Variants in GLP1R observed in about 807,000 individuals in gnomAD.
GLP1R encodes the protein glucagon like peptide 1 receptor, also known as glucagon-like peptide 1 receptor.
In GLP1R, 32 loss-of-function variants were observed where a neutral mutation model predicts 68.4. The observed-to-expected ratio is 0.47, with a 90% CI of 0.35 to 0.63. The LOEUF is 0.63. GLP1R is among the 20% of genes least tolerant of loss of function. The pLI, the probability that GLP1R is intolerant of heterozygous loss-of-function variation, is 0.00. For missense variants in GLP1R, 502 were observed against 594.9 expected, an observed-to-expected ratio of 0.84 and a Z score of 1.62; for synonymous variants, 263 against 244.4, an observed-to-expected ratio of 1.08 and a Z score of -0.71.
chr6:39,069,637 C>CAAA (rs1160778497), intron 5 of GLP1R, among the ~76,000 whole-genome samples: 63 of 98,842 alleles, frequency 6.4e-4, no homozygotes, highest in Non-Finnish European at 1.2e-3. Flanking sequence ...GACTCTGTCT[C>CAAA]AAAAAAAAAA....
At chr6:39,076,049 A>G (rs1768816673) in intron 7 of GLP1R, among the ~76,000 whole-genome samples, 1 of 152,024 alleles carries the variant, frequency 6.6e-6, no homozygotes, top group East Asian at 2.0e-4. Flanking sequence ...GTGTTTTTTG[A>G]AAAGGCCTTG....
intron 5 of GLP1R, among the ~76,000 whole-genome samples, chr6:39,072,285 C>T (rs1768690389): frequency 6.6e-6 from 1 of 152,186 alleles, no homozygotes; most frequent in Non-Finnish European, 1.5e-5. Context: ...AACAGACATC[C>T]TTATTTTGTT....
chr6:39,070,374 C>A (rs1562011695), intron 5 of GLP1R, among the ~76,000 whole-genome samples: 1 of 151,916 alleles, frequency 6.6e-6, no homozygotes, highest in Non-Finnish European at 1.5e-5. Context: ...ATCTGTCAAC[C>A]TTTTAATGGA....
chr6:39,077,604 C>T (rs1421659503), intron 7 of GLP1R, among the ~76,000 whole-genome samples: 1 of 152,222 alleles, frequency 6.6e-6, no homozygotes, highest in Non-Finnish European at 1.5e-5. Context: ...GTTCCTGGGT[C>T]ACATGAAACA....
At chr6:39,078,763 T>C (rs1768905422) in intron 8 of GLP1R, among the ~76,000 whole-genome samples, 194 bp from the exon 9 acceptor site, 1 of 152,190 alleles carries the variant, frequency 6.6e-6, no homozygotes, top group Non-Finnish European at 1.5e-5. Flanking sequence ...GTATTTGGAC[T>C]ATGCGTGTGT....
chr6:39,078,817 C>G lies in GLP1R; in HGVS notation c.885-140C>G, dbSNP rs542694618. 4 of 733,528 alleles carry G rather than the reference C, an allele frequency of 5.5e-6. No homozygotes were observed. The Admixed American group carries it at 7.7e-5, about 14-fold the overall frequency. The allele number at this position is 733,528 out of a possible 1,614,324, so 45.4% of individuals were successfully genotyped here. On this transcript the variant is annotated intron_variant, in intron 8 of 12. Transcript: ENST00000373256. ...GGCAGGGCTCTGTGGGTCCATGGGA[C>G]TGGTTTTTGGGTGGCTCCTGGGAGC...
chr6:39,077,964 C>T (rs2150835281), intron 7 of GLP1R, among the ~76,000 whole-genome samples: 1 of 152,290 alleles, frequency 6.6e-6, no homozygotes, highest in Middle Eastern at 3.4e-3. Flanking sequence ...CTCCTTGCCT[C>T]ATCCGTCATG....
chr6:39,081,874 A>G (rs1769019843), intron 12 of GLP1R, among the ~76,000 whole-genome samples: 1 of 152,202 alleles, frequency 6.6e-6, no homozygotes, highest in Non-Finnish European at 1.5e-5. Flanking sequence ...TAATCCTGTG[A>G]GGATTAAGAA....
intron 12 of GLP1R, among the ~76,000 whole-genome samples, chr6:39,084,902 G>T (rs1026111980): frequency 6.6e-6 from 1 of 152,188 alleles, no homozygotes; most frequent in African/African-American, 2.4e-5. Context: ...ATCCACAGCC[G>T]CTGGCATCTG....
At chr6:39,075,990 A>G (rs1768812407) in intron 7 of GLP1R, among the ~76,000 whole-genome samples, 1 of 152,230 alleles carries the variant, frequency 6.6e-6, no homozygotes, top group Non-Finnish European at 1.5e-5. Flanking sequence ...AGAAAGATGA[A>G]GCCAGCAGGG....
chr6:39,078,806 G>T (rs1443058738), intron 8 of GLP1R, 151 bp from the exon 9 acceptor site: 3 of 706,528 alleles, frequency 4.2e-6, no homozygotes, highest in East Asian at 4.9e-5. Context: ...GGGCTCTGTG[G>T]GTCCATGGGA....
chr6:39,077,351 A>G (rs571749153), intron 7 of GLP1R, among the ~76,000 whole-genome samples: 3 of 152,134 alleles, frequency 2.0e-5, no homozygotes, highest in Non-Finnish European at 2.9e-5. Context: ...TTAACTGGGG[A>G]TGGAGAATCT....
chr6:39,076,415 G>T (rs1400086979), intron 7 of GLP1R, among the ~76,000 whole-genome samples: 1 of 152,168 alleles, frequency 6.6e-6, no homozygotes, highest in East Asian at 1.9e-4. Context: ...TCCGATTTGT[G>T]TAGAAATCAA....
At chr6:39,062,854 C>T (rs1768384892) in intron 3 of GLP1R, among the ~76,000 whole-genome samples, 1 of 152,196 alleles carries the variant, frequency 6.6e-6, no homozygotes, top group Non-Finnish European at 1.5e-5. Context: ...ACTAACTGTT[C>T]CTACCTTGAA....
At position 39,090,285 on chromosome 6, in the gene GLP1R, G is replaced by A. The variant is rs1769249962; in HGVS notation, c.*4212G>A. 6.6e-6 allele frequency among the ~76,000 whole-genome samples: 1 copy of A among 152,198 alleles called. No individual in the cohort carries two copies. The highest frequency in any genetic ancestry group is 1.5e-5 in the Non-Finnish European group (1 of 68,036). ...ATACAGACTGGCAGGAAGCAGATAA[G>A]CATAATTGTTTTCCAATAACTCCCC... On this transcript the variant is annotated 3_prime_UTR_variant, in exon 13 of 13. Coordinates refer to ENST00000373256, the MANE Select transcript of GLP1R (RefSeq NM_002062.5).
Position 39,049,700 on chromosome 6 carries a change from C to T in GLP1R, c.78+782C>T, listed in dbSNP as rs1317057777. ...TGGGACACGCAAGAACACCTGGGCTCCTTGGTGCCACCAGAGAGCAGGCCA... is the reference window on the plus strand; with the variant it reads ...TGGGACACGCAAGAACACCTGGGCTTCTTGGTGCCACCAGAGAGCAGGCCA... On this transcript the variant is annotated intron_variant, in intron 1 of 12. Coordinates refer to ENST00000373256, the MANE Select transcript of GLP1R (RefSeq NM_002062.5). The surrounding 1 kb of genome is among the most constrained non-coding windows in gnomAD (Gnocchi z 4.5). Among the ~76,000 whole-genome samples, 1 of 152,168 alleles carries T rather than the reference C, an allele frequency of 6.6e-6. No individual in the cohort carries two copies. The highest frequency in any genetic ancestry group is 2.4e-5 in the African/African-American group (1 of 41,438).
chr6:39,061,527 G>T (rs1400311647), intron 3 of GLP1R, among the ~76,000 whole-genome samples: 4 of 152,136 alleles, frequency 2.6e-5, no homozygotes, highest in Non-Finnish European at 5.9e-5. Flanking sequence ...GAGCCTGGGG[G>T]TTTTTACGAC....
At chr6:39,066,372 C>T (rs940523806) in intron 5 of GLP1R, 69 bp downstream of exon 5, 6 of 810,940 alleles carry the variant, frequency 7.4e-6, no homozygotes, top group Non-Finnish European at 1.3e-5. Flanking sequence ...AATGAAGCAG[C>T]CCAACACCAA....
At chr6:39,069,559 G>C (rs532693872) in intron 5 of GLP1R, among the ~76,000 whole-genome samples, 72 of 115,948 alleles carry the variant, frequency 6.2e-4, no homozygotes, top group Non-Finnish European at 1.2e-3. Flanking sequence ...CGTGAACCTG[G>C]GAGGCGGAGT....
Sources: allele counts gnomAD v4.1 joint callset (sites outside exome capture counted in the v4.1 genomes callset), GRCh38; gene constraint gnomAD v4.1.1; non-coding constraint Gnocchi (gnomAD v3.1); transcripts MANE v1.5; gene names NCBI Gene and HGNC (gene_info 2026-07-23, HGNC 2026-07-21).